Variants in PRRX2 observed in about 807,000 individuals in gnomAD.
PRRX2 encodes paired related homeobox 2.
Under a neutral mutation model 18.0 loss-of-function variants are expected in PRRX2, and 11 were observed. That is an observed-to-expected ratio of 0.61 (90% CI 0.39 to 1.01). The LOEUF (loss-of-function observed/expected upper bound fraction) is 1.01, where lower values mean the gene tolerates loss of function less well. Among genes scored for constraint, PRRX2 ranks in the 50% least tolerant of loss-of-function variants. The pLI is 0.01. For missense variants in PRRX2, 387 were observed against 351.0 expected (o/e 1.10, Z -0.82); for synonymous variants, 177 against 154.8 (o/e 1.14, Z -1.06).
intron 1 of PRRX2, among the ~76,000 whole-genome samples, chr9:129,706,349 G>A (rs1258742603): frequency 2.6e-5 from 4 of 152,028 alleles, no homozygotes; most frequent in South Asian, 2.1e-4. Flanking sequence ...GGGAGACCGA[G>A]GGGGGCAGAT....
intron 1 of PRRX2, among the ~76,000 whole-genome samples, chr9:129,701,610 G>A (rs962010688): frequency 3.9e-5 from 6 of 152,234 alleles, no homozygotes; most frequent in South Asian, 2.1e-4. Flanking sequence ...GCAACCATAC[G>A]CAGCATCCCT....
intron 1 of PRRX2, among the ~76,000 whole-genome samples, chr9:129,673,318 A>G (rs140965180): frequency 6.6e-6 from 1 of 152,276 alleles, no homozygotes; most frequent in Non-Finnish European, 1.5e-5. Flanking sequence ...TTAGCTGGGC[A>G]TGGTAGCATG....
At chr9:129,703,233 G>A (rs568251615) in intron 1 of PRRX2, among the ~76,000 whole-genome samples, 2 of 152,198 alleles carry the variant, frequency 1.3e-5, no homozygotes, top group Admixed American at 6.5e-5. Flanking sequence ...GGTGTGGGCC[G>A]AGCATTCCGA....
At chr9:129,714,771 C>T (rs117317063) in intron 1 of PRRX2, among the ~76,000 whole-genome samples, 317 of 152,282 alleles carry the variant, frequency 2.1e-3, no homozygotes, top group Non-Finnish European at 3.6e-3. Context: ...TAAACACCCC[C>T]AGGTTTGAAT....
In PRRX2 at chr9:129,666,571, A is replaced by AACC. The variant is rs1832026831; in HGVS notation, c.259+445_259+446insACC. Among the ~76,000 whole-genome samples, 3 of 95,510 alleles carry AACC rather than the reference A, an allele frequency of 3.1e-5. No homozygotes were observed. In the South Asian group the frequency reaches 1.2e-3, roughly 39 times the overall value. 62.7% of individuals were successfully genotyped at this position (95,510 alleles called of 152,430 possible). On this transcript the variant is annotated intron_variant, in intron 1 of 3. Transcript: ENST00000372469. ...CTTTGGGGGGCGAGGGTGCCTGCCC[A>AACC]CCCCCCCCCACCCTCCAGTTTGCCC...
intron 1 of PRRX2, among the ~76,000 whole-genome samples, chr9:129,701,959 G>C (rs1477718279): frequency 6.6e-6 from 1 of 152,132 alleles, no homozygotes; most frequent in Admixed American, 6.6e-5. Flanking sequence ...AAATTAGTCA[G>C]GCCTGATGCC....
chr9:129,672,548 C>T (rs1832112151), intron 1 of PRRX2, among the ~76,000 whole-genome samples: 1 of 152,200 alleles, frequency 6.6e-6, no homozygotes, highest in East Asian at 1.9e-4. Context: ...CAGGGATGTC[C>T]ACACCCAGGC....
At chr9:129,684,482 TCACACACA>T (rs71385454) in intron 1 of PRRX2, among the ~76,000 whole-genome samples, 15 of 43,296 alleles carry the variant, frequency 3.5e-4, no homozygotes, top group South Asian at 8.5e-4. Flanking sequence ...ATACCAGAAA[TCACACACA>T]CACACACACA....
intron 1 of PRRX2, among the ~76,000 whole-genome samples, chr9:129,684,846 T>G (rs1832284298): frequency 6.6e-6 from 1 of 152,248 alleles, no homozygotes; most frequent in African/African-American, 2.4e-5. Context: ...TAATTGTGCT[T>G]GCTTTATAGA....
At chr9:129,677,294 A>C (rs887574892) in intron 1 of PRRX2, among the ~76,000 whole-genome samples, 1 of 152,244 alleles carries the variant, frequency 6.6e-6, no homozygotes, top group Non-Finnish European at 1.5e-5. Context: ...CTTTATCCTC[A>C]TCTTACAGGC....
intron 1 of PRRX2, among the ~76,000 whole-genome samples, chr9:129,712,335 C>A (rs1426277025): frequency 6.6e-6 from 1 of 152,310 alleles, no homozygotes; most frequent in South Asian, 2.1e-4. Flanking sequence ...TAGAGTGTGT[C>A]TCTCAACAGC....
At chr9:129,714,008 C>A (rs1023737669) in intron 1 of PRRX2, among the ~76,000 whole-genome samples, 1 of 151,256 alleles carries the variant, frequency 6.6e-6, no homozygotes, top group African/African-American at 2.4e-5. Context: ...CTTCAGTTTC[C>A]GTGTGTGTAA....
chr9:129,691,385 G>A, intron 1 of PRRX2, among the ~76,000 whole-genome samples: 1 of 151,754 alleles, frequency 6.6e-6, no homozygotes, highest in East Asian at 1.9e-4. Flanking sequence ...TTAAAACACA[G>A]GCAATAGATA....
At chr9:129,676,647 A>T (rs1832165230) in intron 1 of PRRX2, among the ~76,000 whole-genome samples, 1 of 152,216 alleles carries the variant, frequency 6.6e-6, no homozygotes. Context: ...GTTGATGTAG[A>T]GGATGAGCTC....
chr9:129,711,462 G>A (rs1454787259), intron 1 of PRRX2, among the ~76,000 whole-genome samples: 1 of 140,944 alleles, frequency 7.1e-6, no homozygotes, highest in African/African-American at 2.7e-5. Flanking sequence ...CTGGAGTGCA[G>A]TGACATGATC....
chr9:129,719,096 G>T, intron 1 of PRRX2, 135 bp from the exon 2 acceptor site: 1 of 806,000 alleles, frequency 1.2e-6, no homozygotes, highest in Non-Finnish European at 1.9e-6. Context: ...AGGAAGGAAT[G>T]AGGGAGTGAA....
intron 1 of PRRX2, among the ~76,000 whole-genome samples, chr9:129,667,980 G>A (rs1588159527): frequency 6.6e-6 from 1 of 152,196 alleles, no homozygotes; most frequent in Non-Finnish European, 1.5e-5. Flanking sequence ...CACACTGGGT[G>A]TGGGATCAGG....
At chr9:129,666,524 C>T (rs1193127243) in intron 1 of PRRX2, among the ~76,000 whole-genome samples, 2 of 152,058 alleles carry the variant, frequency 1.3e-5, no homozygotes, top group Non-Finnish European at 2.9e-5. Flanking sequence ...GCCCCAGCTC[C>T]TCCTCGGTCT....
intron 1 of PRRX2, among the ~76,000 whole-genome samples, chr9:129,690,916 C>T (rs1219315422): frequency 6.6e-6 from 1 of 152,112 alleles, no homozygotes; most frequent in Non-Finnish European, 1.5e-5. Context: ...AAGACCCTCT[C>T]CTTTAGGTGG....
Sources: allele counts gnomAD v4.1 joint callset (sites outside exome capture counted in the v4.1 genomes callset), GRCh38; gene constraint gnomAD v4.1.1; transcripts MANE v1.5; gene names NCBI Gene and HGNC (gene_info 2026-07-23, HGNC 2026-07-21).